Variants in GPR157 observed in about 807,000 individuals in gnomAD.
GPR157 encodes the protein G protein-coupled receptor 157.
GPR157 carries 16 observed loss-of-function variants against 23.5 expected under a neutral mutation model. That is an observed-to-expected ratio of 0.68 (90% CI 0.46 to 1.04). GPR157 has a LOEUF of 1.04. Ranked by LOEUF, GPR157 falls within the 50% of genes least tolerant of loss-of-function variation. GPR157 has a pLI of 0.00. For synonymous variants in GPR157, 200 were observed against 221.5 expected (o/e 0.90, Z 0.86); for missense variants, 440 against 460.7 (o/e 0.96, Z 0.41).
rs1638722857 is a variant in GPR157, at chr1:9,118,034, T to TG, written c.384-6546dup. ...GTGGCTCAGAACAGCCAATGGCTGG[T>TG]GCTGTCTGCCTGTGAGTGGACATCT... On this transcript the variant is annotated intron_variant, in intron 1 of 3. Coordinates refer to ENST00000377411, the MANE Select transcript of GPR157 (RefSeq NM_024980.5). The surrounding 1 kb of genome is among the most constrained non-coding windows in gnomAD (Gnocchi z 4.6). Among the ~76,000 whole-genome samples, 1 of 152,226 alleles carries TG rather than the reference T, an allele frequency of 6.6e-6. No individual in the cohort carries two copies. The highest frequency in any genetic ancestry group is 1.5e-5 in the Non-Finnish European group (1 of 68,042).
intron 2 of GPR157, among the ~76,000 whole-genome samples, chr1:9,106,835 G>C (rs1638349529): frequency 6.6e-6 from 1 of 152,120 alleles, no homozygotes; most frequent in Admixed American, 6.5e-5. Flanking sequence ...GTTGTGGCAC[G>C]TGCCTGTAAT....
In GPR157 at chr1:9,128,860, G is replaced by C; in HGVS notation, c.168C>G (p.Ala56=). ...AGTAGGAGGCGGCCGAGAGCAGGTC[G>C]GCCAGCGACAGGAAGAGCAGCAGGC... ...ARRLLLFLSL[A]DLLSAASYFY... Residue 56 remains alanine, a synonymous_variant, in exon 1 of 4, where the codon GCC becomes GCG. Coordinates refer to ENST00000377411, the MANE Select transcript of GPR157 (RefSeq NM_024980.5). The surrounding 1 kb of genome is among the most constrained non-coding windows in gnomAD (Gnocchi z 6.3). The C allele has an allele frequency of 1.3e-6, 2 of 1,584,796 alleles. No individual in the cohort carries two copies. The highest frequency in any genetic ancestry group is 1.7e-6 in the Non-Finnish European group (2 of 1,166,552).
At chr1:9,125,624 G>A (rs1418143698) in intron 1 of GPR157, among the ~76,000 whole-genome samples, 2 of 152,122 alleles carry the variant, frequency 1.3e-5, no homozygotes, top group Non-Finnish European at 2.9e-5. Context: ...ACTTCGCATT[G>A]AATCATATCA....
chr1:9,122,297 T>G (rs143773688), intron 1 of GPR157, among the ~76,000 whole-genome samples: 162 of 152,242 alleles, frequency 1.1e-3, no homozygotes, highest in African/African-American at 3.9e-3. Flanking sequence ...GAAAGGGACT[T>G]CTTAAACACA....
chr1:9,113,194 TG>T (rs770481251), intron 1 of GPR157, among the ~76,000 whole-genome samples: 3 of 152,174 alleles, frequency 2.0e-5, no homozygotes, highest in Non-Finnish European at 4.4e-5. Context: ...GTGCAGACAC[TG>T]GTGCTGCGTG....
At chr1:9,115,036 T>C (rs1569962204) in intron 1 of GPR157, among the ~76,000 whole-genome samples, 1 of 148,946 alleles carries the variant, frequency 6.7e-6, no homozygotes, top group Non-Finnish European at 1.5e-5. Flanking sequence ...CAGAGGGTGG[T>C]ATTTGAGAGA....
intron 1 of GPR157, among the ~76,000 whole-genome samples, chr1:9,121,777 A>G (rs528698547): frequency 3.2e-4 from 48 of 151,950 alleles, no homozygotes; most frequent in African/African-American, 1.2e-3. Context: ...GGGGTCACAG[A>G]CTCTTGCTTC....
At chr1:9,111,153 C>G in intron 2 of GPR157, 123 bp downstream of exon 2, 1 of 819,584 alleles carries the variant, frequency 1.2e-6, no homozygotes, top group Non-Finnish European at 2.1e-6. Flanking sequence ...CCCCTCTGGC[C>G]CATCACTGGT....
chr1:9,111,007 C>T, intron 2 of GPR157: 1 of 511,012 alleles, frequency 2.0e-6, no homozygotes, highest in African/African-American at 1.9e-5. Flanking sequence ...CCCACAGGCC[C>T]TTAATCGGCT....
Position 9,128,177 on chromosome 1 carries a change from G to A in GPR157, c.383+468C>T. 2.3e-6 allele frequency: 1 copy of A among 434,466 alleles called. No individual in the cohort carries two copies. The highest frequency in any genetic ancestry group is 4.6e-6 in the Non-Finnish European group (1 of 219,078). The allele number at this position is 434,466 out of a possible 1,614,324, so 26.9% of individuals were successfully genotyped here. A position where few individuals can be genotyped will look rare whatever the true frequency, so the allele number is the denominator to read the frequency against. On this transcript the variant is annotated intron_variant, in intron 1 of 3. Coordinates refer to ENST00000377411, the MANE Select transcript of GPR157 (RefSeq NM_024980.5). The surrounding 1 kb of genome is among the most constrained non-coding windows in gnomAD (Gnocchi z 6.3). ...GTACAGCAGAGACACGGCAGCTCGG[G>A]AGTGGCGGAGTGCACCAAGCTCACT...
rs770035500 is a variant in GPR157 at position 9,104,595 on chromosome 1, T to C, written c.832A>G (p.Met278Val). ...ACGGCGCGGGTGCAGAGGACGAACATGATGCAGTTGGCACCTCCCTGAAAC... is the reference window on the plus strand; with the variant it reads ...ACGGCGCGGGTGCAGAGGACGAACACGATGCAGTTGGCACCTCCCTGAAAC... ...NTFQGGANCIMFVLCTRAVRT... is the reference protein window; with the variant it reads ...NTFQGGANCIVFVLCTRAVRT... Residue 278 changes from methionine to valine, a missense_variant, in exon 4 of 4, where the codon ATG becomes GTG. Met to Val is a conservative substitution (Grantham distance 21). Transcript: ENST00000377411. 1.9e-6 allele frequency: 3 copies of C among 1,612,500 alleles called. No homozygotes were observed. The highest frequency in any genetic ancestry group is 4.5e-5 in the East Asian group (2 of 44,846).
Position 9,105,808 on chromosome 1 carries a change from C to T in GPR157, c.598-128G>A, listed in dbSNP as rs542842739. ...GGTAGGGGAGATGTGTGGTGGAGCCCGGATCCTTCTCCTGAACCCTGACTG... is the reference window on the plus strand; with the variant it reads ...GGTAGGGGAGATGTGTGGTGGAGCCTGGATCCTTCTCCTGAACCCTGACTG... On this transcript the variant is annotated intron_variant, in intron 2 of 3. Transcript: ENST00000377411. The surrounding 1 kb of genome is among the most constrained non-coding windows in gnomAD (Gnocchi z 4.8). The T allele has an allele frequency of 3.8e-5, 28 of 731,546 alleles. No homozygotes were observed. Among genetic ancestry groups the T allele is most frequent in the Admixed American group, 2.2e-4 (8 of 35,690 alleles). 45.3% of individuals were successfully genotyped at this position (731,546 alleles called of 1,614,324 possible). A position where few individuals can be genotyped will look rare whatever the true frequency, so the allele number is the denominator to read the frequency against.
Position 9,105,581 on chromosome 1 carries a change from T to C in GPR157, c.697A>G (p.Ile233Val), listed in dbSNP as rs750194389. 6.2e-7 allele frequency: 1 copy of C among 1,610,538 alleles called. No homozygotes were observed. Among genetic ancestry groups the C allele is most frequent in the Non-Finnish European group, 8.5e-7 (1 of 1,178,968 alleles). ...ADKKLVLIPL[I>V]FIGLRVWSTV... ...CTCCAGACCCTGAGGCCGATGAAGATGAGCGGGATGAGCACCAGCTTCTTG... is the reference window on the plus strand; with the variant it reads ...CTCCAGACCCTGAGGCCGATGAAGACGAGCGGGATGAGCACCAGCTTCTTG... Residue 233 changes from isoleucine to valine, a missense_variant, in exon 3 of 4, where the codon ATC becomes GTC. Transcript: ENST00000377411. The surrounding 1 kb of genome is among the most constrained non-coding windows in gnomAD (Gnocchi z 4.8).
rs1340620327 is a variant in GPR157, at chr1:9,105,096, C to T, written c.792+390G>A. 6.6e-6 allele frequency among the ~76,000 whole-genome samples: 1 copy of T among 150,970 alleles called. No individual in the cohort carries two copies. Among genetic ancestry groups the T allele is most frequent in the African/African-American group, 2.4e-5 (1 of 41,014 alleles). On this transcript the variant is annotated intron_variant, in intron 3 of 3. Coordinates refer to ENST00000377411, the MANE Select transcript of GPR157 (RefSeq NM_024980.5). The surrounding 1 kb of genome is among the most constrained non-coding windows in gnomAD (Gnocchi z 4.8). ...GCATACACACATGCATACATGCACA[C>T]ACATGGGGTAGCTGGGAAGTGCTGT... is the stretch of plus-strand genomic sequence containing the variant.
intron 1 of GPR157, among the ~76,000 whole-genome samples, chr1:9,119,737 C>T (rs1638760226): frequency 6.6e-6 from 1 of 152,218 alleles, no homozygotes; most frequent in Non-Finnish European, 1.5e-5. Context: ...TCCACCAGCT[C>T]ATGGAGGAGA....
rs1231502623 is a variant in GPR157, at chr1:9,116,361, T to TTA, written c.384-4874_384-4873dup. Among the ~76,000 whole-genome samples, 5 of 58,694 alleles carry TTA rather than the reference T, an allele frequency of 8.5e-5. 1 individual carries two copies. The highest frequency in any genetic ancestry group is 1.2e-4 in the Non-Finnish European group (4 of 33,156). The allele number at this position is 58,694 out of a possible 152,430, so 38.5% of individuals were successfully genotyped here. The stretch of plus-strand genomic sequence containing the variant: ...TAATTTATATATAATTATATATAAA[T>TTA]TATATATATATATATTTTTTCACCA... On this transcript the variant is annotated intron_variant, in intron 1 of 3. Transcript: ENST00000377411.
chr1:9,120,482 G>C lies in GPR157; in HGVS notation c.383+8163C>G, dbSNP rs905147685. 6.6e-6 allele frequency among the ~76,000 whole-genome samples: 1 copy of C among 152,200 alleles called. No individual in the cohort carries two copies. Among genetic ancestry groups the C allele is most frequent in the Admixed American group, 6.5e-5 (1 of 15,280 alleles). Reference sequence around the variant, plus strand: ...AACCTCAGGACAGAGCAGGGCTGGGGGAAGCCCAGCTGTAGGGAGTGAGGC... The same window carrying C: ...AACCTCAGGACAGAGCAGGGCTGGGCGAAGCCCAGCTGTAGGGAGTGAGGC... On this transcript the variant is annotated intron_variant, in intron 1 of 3. Transcript: ENST00000377411. The surrounding 1 kb of genome is among the most constrained non-coding windows in gnomAD (Gnocchi z 4.1).
At chr1:9,121,907 C>T (rs752610394) in intron 1 of GPR157, among the ~76,000 whole-genome samples, 11 of 152,144 alleles carry the variant, frequency 7.2e-5, no homozygotes, top group Non-Finnish European at 1.2e-4. Flanking sequence ...CAGAGATTCC[C>T]GAGATGAACC....
intron 1 of GPR157, among the ~76,000 whole-genome samples, chr1:9,116,467 CTT>C (rs1299293191): frequency 8.1e-6 from 1 of 123,464 alleles, no homozygotes. Context: ...GTATTTATGG[CTT>C]TTTTTTTTTA....
Sources: allele counts gnomAD v4.1 joint callset (sites outside exome capture counted in the v4.1 genomes callset), GRCh38; gene constraint gnomAD v4.1.1; non-coding constraint Gnocchi (gnomAD v3.1); transcripts MANE v1.5; gene names NCBI Gene and HGNC (gene_info 2026-07-23, HGNC 2026-07-21).